Variants in RP1L1 observed in about 807,000 individuals in gnomAD.
RP1L1 encodes the protein RP1 like 1, also known as retinitis pigmentosa 1-like 1 protein.
RP1L1 carries 27 observed loss-of-function variants against 15.7 expected under a neutral mutation model. The observed-to-expected ratio is 1.72, with a 90% CI of 1.27 to 2.38. The LOEUF (loss-of-function observed/expected upper bound fraction) is 2.38. RP1L1 is among the 30% of genes most tolerant of loss of function. The probability of loss-of-function intolerance (pLI) is 0.00; values close to 1 mark genes in which losing one functional copy is unlikely to be tolerated. For missense variants in RP1L1, 4,798 were observed against 3,075.9 expected (o/e 1.56, Z -13.24); for synonymous variants, 1,813 against 1,276.7 (o/e 1.42, Z -8.96).
intron 1 of RP1L1, among the ~76,000 whole-genome samples, chr8:10,652,768 CT>C (rs796735859): frequency 1.8e-4 from 28 of 152,306 alleles, no homozygotes; most frequent in African/African-American, 4.6e-4. Context: ...CACGTCCCCC[CT>C]GATTCCCTAT....
chr8:10,650,516 A>C (rs1798542975), intron 1 of RP1L1, among the ~76,000 whole-genome samples: 1 of 151,008 alleles, frequency 6.6e-6, no homozygotes, highest in South Asian at 2.1e-4. Flanking sequence ...GCAGAAACTG[A>C]GGCTCAGGGA....
Position 10,613,049 on chromosome 8 carries a change from G to C in RP1L1, c.1049C>G (p.Thr350Arg). ...AACGGGGTCTTCCCCACTGGCTGCC[G>C]TGAGGGCGCTGGCCCTGCCCATCCT... is the stretch of plus-strand genomic sequence containing the variant. ...SRRMGRASAL[T>R]AASGEDPVLG... The change falls in exon 4 of 4, where the codon ACG (threonine) becomes AGG (arginine). Residue 350 changes from threonine to arginine, a missense_variant. Transcript: ENST00000382483. 6.2e-7 allele frequency: 1 copy of C among 1,613,588 alleles called. No individual in the cohort carries two copies. The highest frequency in any genetic ancestry group is 8.5e-7 in the Non-Finnish European group (1 of 1,180,026).
chr8:10,650,374 C>T (rs1171986599), intron 1 of RP1L1, among the ~76,000 whole-genome samples: 1 of 152,144 alleles, frequency 6.6e-6, no homozygotes, highest in Admixed American at 6.5e-5. Context: ...ACAGCTTCGA[C>T]CAAAGGGGCC....
At chr8:10,650,787 G>C (rs1320160529) in intron 1 of RP1L1, among the ~76,000 whole-genome samples, 4 of 151,848 alleles carry the variant, frequency 2.6e-5, no homozygotes, top group Non-Finnish European at 1.5e-5. Context: ...GGCTATTCTC[G>C]AACTCCTGAC....
intron 2 of RP1L1, among the ~76,000 whole-genome samples, chr8:10,619,395 G>C (rs755587075): frequency 6.6e-6 from 1 of 152,152 alleles, no homozygotes; most frequent in Non-Finnish European, 1.5e-5. Context: ...AGATGCCCTC[G>C]TTGTTCTAGT....
chr8:10,606,855 G>C lies in RP1L1; in HGVS notation c.*40C>G. On this transcript the variant is annotated 3_prime_UTR_variant, in exon 4 of 4. Coordinates refer to ENST00000382483, the MANE Select transcript of RP1L1 (RefSeq NM_178857.6). The stretch of plus-strand genomic sequence containing the variant: ...TGTAGAAAAAATATGAATAAAAACA[G>C]AGCTCCCAAGCTCGTGATTGTTTTC... 1 of 1,612,942 alleles carries C rather than the reference G, an allele frequency of 6.2e-7. No individual in the cohort carries two copies.
In RP1L1 at chr8:10,612,625, A is replaced by G. The variant is rs1020579903; in HGVS notation, c.1473T>C (p.Ala491=). 6.2e-7 allele frequency: 1 copy of G among 1,602,326 alleles called. No homozygotes were observed. Among genetic ancestry groups the G allele is most frequent in the Non-Finnish European group, 8.5e-7 (1 of 1,179,344 alleles). The change falls in exon 4 of 4, where the codon GCT becomes GCC. Residue 491 remains alanine, a synonymous_variant. Coordinates refer to ENST00000382483, the MANE Select transcript of RP1L1 (RefSeq NM_178857.6). ...DSASPSAQIG[A]ERKAGGSLGE... The stretch of plus-strand genomic sequence containing the variant: ...CCAGGCTCCCTCCAGCTTTCCGCTC[A>G]GCCCCTATCTGGGCAGAGGGGCTGG...
chr8:10,631,337 A>ACACG (rs1563135306), intron 1 of RP1L1, among the ~76,000 whole-genome samples: 1 of 101,356 alleles, frequency 9.9e-6, no homozygotes, highest in African/African-American at 3.4e-5. Context: ...ACACACATGC[A>ACACG]CACACACGCA....
intron 3 of RP1L1, among the ~76,000 whole-genome samples, chr8:10,615,455 G>A (rs1797950187): frequency 6.6e-6 from 1 of 152,204 alleles, no homozygotes; most frequent in Admixed American, 6.5e-5. Context: ...GGCCACCACT[G>A]TTGCCTGAGA....
At chr8:10,625,813 C>T (rs1031182424) in intron 1 of RP1L1, among the ~76,000 whole-genome samples, 1 of 152,108 alleles carries the variant, frequency 6.6e-6, no homozygotes, top group Admixed American at 6.5e-5. Context: ...GAGGGATCCA[C>T]CCCTGGGGCT....
At chr8:10,624,979 G>C (rs1184106894) in intron 1 of RP1L1, among the ~76,000 whole-genome samples, 1 of 152,210 alleles carries the variant, frequency 6.6e-6, no homozygotes, top group Non-Finnish European at 1.5e-5. Context: ...GTGGGGTTGG[G>C]AGCCGAGGCT....
At chr8:10,653,614 C>T (rs1393537006) in intron 1 of RP1L1, among the ~76,000 whole-genome samples, 3 of 151,656 alleles carry the variant, frequency 2.0e-5, no homozygotes, top group Non-Finnish European at 2.9e-5. Flanking sequence ...CGCACACGCA[C>T]CTGTACAAAC....
intron 1 of RP1L1, among the ~76,000 whole-genome samples, chr8:10,636,865 G>A (rs1229828528): frequency 6.6e-6 from 1 of 152,098 alleles, no homozygotes; most frequent in African/African-American, 2.4e-5. Flanking sequence ...GGAAGCTGCA[G>A]GTCACCTGGA....
chr8:10,607,335 C>T lies in RP1L1; in HGVS notation c.6763G>A (p.Val2255Ile). 6.2e-7 allele frequency: 1 copy of T among 1,614,228 alleles called. No individual in the cohort carries two copies. Among genetic ancestry groups the T allele is most frequent in the Non-Finnish European group, 8.5e-7 (1 of 1,180,040 alleles). ...TCAGATTGGCCATCTCCTAGACTGA[C>T]CTGAGGGCTCCCCTTTTTCTCACCT... ...TQGEKKGSPQ[V>I]SLGDGQSEEA... The change falls in exon 4 of 4, where the codon GTC becomes ATC. Residue 2255 changes from valine (V) to isoleucine (I), a missense_variant. Physicochemically the swap from Val to Ile is conservative, Grantham distance 29. Coordinates refer to ENST00000382483, the MANE Select transcript of RP1L1 (RefSeq NM_178857.6).
chr8:10,610,643 C>T lies in RP1L1; in HGVS notation c.3455G>A (p.Ser1152Asn). The change falls in exon 4 of 4, where the codon AGC becomes AAC. Residue 1152 changes from serine to asparagine, a missense_variant. Coordinates refer to ENST00000382483, the MANE Select transcript of RP1L1 (RefSeq NM_178857.6). ...KDSPRYQELLSISKDLWPGCD... is the reference protein window; with the variant it reads ...KDSPRYQELLNISKDLWPGCD... ...TCCTGGCCACAGGTCCTTCGAGATG[C>T]TGAGCAGCTCCTGGTACCGAGGGGA... 1.2e-6 allele frequency: 2 copies of T among 1,612,326 alleles called. No individual in the cohort carries two copies. Among genetic ancestry groups the T allele is most frequent in the Non-Finnish European group, 1.7e-6 (2 of 1,179,320 alleles).
At position 10,643,734 on chromosome 8, in the gene RP1L1, T is replaced by C. The variant is rs564403274; in HGVS notation, c.-20+11164A>G. ...GATCCTGGTGCTGCCAAAAACCTAA[T>C]GTGGGTGCTGGAAAAACACTGCAGC... On this transcript the variant is annotated intron_variant, in intron 1 of 3. Coordinates refer to ENST00000382483, the MANE Select transcript of RP1L1 (RefSeq NM_178857.6). Among the ~76,000 whole-genome samples, 3 of 151,966 alleles carry C rather than the reference T, an allele frequency of 2.0e-5. No individual in the cohort carries two copies. In the South Asian group the frequency reaches 6.2e-4, roughly 32 times the overall value.
At chr8:10,625,487 G>T (rs1389172140) in intron 1 of RP1L1, among the ~76,000 whole-genome samples, 1 of 141,908 alleles carries the variant, frequency 7.0e-6, no homozygotes, top group African/African-American at 2.6e-5. Flanking sequence ...CCAGCTGGGG[G>T]TCAAGTGGGG....
Position 10,613,799 on chromosome 8 carries a change from A to G in RP1L1, c.752-453T>C, listed in dbSNP as rs149973392. ...AGCAAGACCATTAAAAAAAGAAAAG[A>G]AAAAAAAAAGCATGATAAGGGCAGA... On this transcript the variant is annotated intron_variant, in intron 3 of 3. Transcript: ENST00000382483. 5.0e-3 allele frequency among the ~76,000 whole-genome samples: 741 copies of G among 148,826 alleles called. 3 individuals are homozygous for G. The highest frequency in any genetic ancestry group is 0.015 in the African/African-American group (612 of 40,332).
Position 10,608,346 on chromosome 8 carries a change from C to G in RP1L1, c.5752G>C (p.Glu1918Gln). Residue 1918 changes from glutamate to glutamine, a missense_variant, in exon 4 of 4, where the codon GAG becomes CAG. Coordinates refer to ENST00000382483, the MANE Select transcript of RP1L1 (RefSeq NM_178857.6). Reference sequence around the variant, plus strand: ...TCCAGGGCCTCTACACTTTCTGTCTCTGGCTGGGCCTCCTTTTCTGCCTCC... The same window carrying G: ...TCCAGGGCCTCTACACTTTCTGTCTGTGGCTGGGCCTCCTTTTCTGCCTCC... ...APEAEKEAQP[E>Q]TESVEALETE... The G allele has an allele frequency of 1.2e-6, 2 of 1,613,620 alleles. No homozygotes were observed. Among genetic ancestry groups the G allele is most frequent in the Non-Finnish European group, 1.7e-6 (2 of 1,179,946 alleles).
Sources: gnomAD v4.1 joint callset for allele counts (sites outside exome capture counted in the v4.1 genomes callset) on GRCh38, gnomAD v4.1.1 for gene constraint, MANE v1.5 for transcripts, NCBI Gene and HGNC (gene_info 2026-07-23, HGNC 2026-07-21) for gene names.